NOP53: variants seen among roughly 807,000 people sequenced by gnomAD.
NOP53 encodes ribosome biogenesis protein NOP53.
NOP53 carries 40 observed loss-of-function variants against 61.0 expected under a neutral mutation model. That is an observed-to-expected ratio of 0.66 (90% CI 0.51 to 0.85). The LOEUF (loss-of-function observed/expected upper bound fraction) is 0.85, where lower values mean the gene tolerates loss of function less well. NOP53 is among the 40% of genes least tolerant of loss of function. The probability of loss-of-function intolerance (pLI) is 0.00; values close to 1 mark genes in which losing one functional copy is unlikely to be tolerated. For synonymous variants in NOP53, 308 were observed against 289.5 expected (o/e 1.06, Z -0.65); for missense variants, 689 against 652.9 (o/e 1.06, Z -0.60).
At chr19:47,752,321 G>C (rs375886807) in intron 5 of NOP53, among the ~76,000 whole-genome samples, 191 bp from the exon 6 acceptor site, 1 of 152,076 alleles carries the variant, frequency 6.6e-6, no homozygotes, top group Non-Finnish European at 1.5e-5. Context: ...GCTCAGCCTC[G>C]TGGGTAGCAG....
chr19:47,754,977 G>C lies in NOP53; in HGVS notation c.1053+86G>C, dbSNP rs572032176. The C allele has an allele frequency of 2.8e-5, 36 of 1,283,804 alleles. No individual in the cohort carries two copies. The East Asian group carries it at 7.1e-4, about 25-fold the overall frequency. 79.5% of individuals were successfully genotyped at this position (1,283,804 alleles called of 1,614,324 possible). ...CACCATGGGCTGCCCTGGGTGCTGC[G>C]GGCAGCCTGCACACCCCAAGCCCCG... On this transcript the variant is annotated intron_variant, in intron 8 of 12. Transcript: ENST00000246802. This position sits in a 1 kb window ranked among gnomAD's most constrained non-coding sequence, Gnocchi z 4.2.
At position 47,754,418 on chromosome 19, in the gene NOP53, C is replaced by G; in HGVS notation, c.766-109C>G. ...CGGGGTGTGGGGAGGAAAGCCTGGG[C>G]CGGGGCGGGATCCACGGGCACTGGA... On this transcript the variant is annotated intron_variant, in intron 6 of 12. Transcript: ENST00000246802. This position sits in a 1 kb window ranked among gnomAD's most constrained non-coding sequence, Gnocchi z 4.2. The G allele has an allele frequency of 1.2e-6, 1 of 853,480 alleles. No individual in the cohort carries two copies. The highest frequency in any genetic ancestry group is 2.1e-5 in the Admixed American group (1 of 46,774). The allele number at this position is 853,480 out of a possible 1,614,324, so 52.9% of individuals were successfully genotyped here.
chr19:47,747,102 T>G, intron 2 of NOP53, 71 bp downstream of exon 2: 1 of 1,224,026 alleles, frequency 8.2e-7, no homozygotes, highest in Non-Finnish European at 1.2e-6. Flanking sequence ...GCCTCTGAGA[T>G]CTGTGTTAAT....
At position 47,754,156 on chromosome 19, in the gene NOP53, A is replaced by T. The variant is rs190409460; in HGVS notation, c.766-371A>T. On this transcript the variant is annotated intron_variant, in intron 6 of 12. Transcript: ENST00000246802. The surrounding 1 kb of genome is among the most constrained non-coding windows in gnomAD (Gnocchi z 4.2). Reference sequence around the variant, plus strand: ...GCCGGGTATGGTGGCACATGCCTGTAATAGTAGCTACTCGGGAGGCTGAGG... The same window carrying T: ...GCCGGGTATGGTGGCACATGCCTGTTATAGTAGCTACTCGGGAGGCTGAGG... 1 of 198,760 alleles carries T rather than the reference A, an allele frequency of 5.0e-6. No individual in the cohort carries two copies. The highest frequency in any genetic ancestry group is 2.3e-5 in the African/African-American group (1 of 42,974). 12.3% of individuals were successfully genotyped at this position (198,760 alleles called of 1,614,324 possible).
In NOP53 at chr19:47,755,752, G is replaced by T; in HGVS notation, c.1230-4G>T. On this transcript the variant is annotated splice_polypyrimidine_tract_variant and splice_region_variant and intron_variant, in intron 9 of 12. Coordinates refer to ENST00000246802, the MANE Select transcript of NOP53 (RefSeq NM_015710.5). ...TATTTCTGAACACCCGCCCTGTTCT[G>T]CAGGTACCAGGCACCTGACATCGAC... 6.2e-7 allele frequency: 1 copy of T among 1,608,022 alleles called. No homozygotes were observed. The highest frequency in any genetic ancestry group is 8.5e-7 in the Non-Finnish European group (1 of 1,177,738).
Position 47,752,582 on chromosome 19 carries a change from A to G in NOP53, c.740A>G (p.Tyr247Cys), listed in dbSNP as rs1568599496. 6.2e-7 allele frequency: 1 copy of G among 1,609,840 alleles called. No individual in the cohort carries two copies. Residue 247 changes from tyrosine to cysteine, a missense_variant, in exon 6 of 13, where the codon TAC (tyrosine) becomes TGC (cysteine). Coordinates refer to ENST00000246802, the MANE Select transcript of NOP53 (RefSeq NM_015710.5). Reference sequence around the variant, plus strand: ...GAGGTGGCGCCTGCCGGAGCTTCCTACAATCCATCCTTTGAAGACCACCAG... The same window carrying G: ...GAGGTGGCGCCTGCCGGAGCTTCCTGCAATCCATCCTTTGAAGACCACCAG... ...AVEVAPAGAS[Y>C]NPSFEDHQTL...
At chr19:47,750,120 G>A (rs1355936508) in intron 2 of NOP53, 58 bp from the exon 3 acceptor site, 8 of 1,058,408 alleles carry the variant, frequency 7.6e-6, no homozygotes, top group Non-Finnish European at 1.2e-5. Context: ...AATAGGGTGG[G>A]TGGTCTTTGG....
At chr19:47,753,699 G>A (rs1967151724) in intron 6 of NOP53, 1 of 152,186 alleles carries the variant, frequency 6.6e-6, no homozygotes, top group South Asian at 2.1e-4. Flanking sequence ...ACCAGATGTG[G>A]GAGGGGGCGT....
chr19:47,753,673 T>G (rs1383668330), intron 6 of NOP53: 3 of 152,202 alleles, frequency 2.0e-5, no homozygotes, highest in African/African-American at 7.2e-5. Flanking sequence ...TGCCGCTCAC[T>G]GCCATCTGTT....
rs1359377453 is a variant in NOP53, at chr19:47,754,653, T to TCCCTC, written c.870+31_870+35dup. 1.4e-5 allele frequency: 21 copies of TCCCTC among 1,542,332 alleles called. No homozygotes were observed. The East Asian group carries it at 4.2e-4, about 31-fold the overall frequency. ...CCAGGTGAGCCCCGCACCTGCCCAC[T>TCCCTC]CCCTCCCCTCCCCGGGCCTCCTACC... is the stretch of plus-strand genomic sequence containing the variant. On this transcript the variant is annotated intron_variant, in intron 7 of 12. Coordinates refer to ENST00000246802, the MANE Select transcript of NOP53 (RefSeq NM_015710.5). This position sits in a 1 kb window ranked among gnomAD's most constrained non-coding sequence, Gnocchi z 4.2.
At chr19:47,748,740 CA>C (rs1317007841) in intron 2 of NOP53, among the ~76,000 whole-genome samples, 4 of 152,064 alleles carry the variant, frequency 2.6e-5, no homozygotes, top group Admixed American at 6.6e-5. Context: ...ACTAAAAATA[CA>C]AAAACTAGCC....
chr19:47,745,995 A>T, intron 1 of NOP53: 1 of 513,530 alleles, frequency 1.9e-6, no homozygotes, highest in Non-Finnish European at 3.4e-6. Flanking sequence ...TTAGCAGATA[A>T]ATATACAGGA....
intron 1 of NOP53, chr19:47,746,142 A>G (rs1205860397): frequency 4.4e-6 from 1 of 228,372 alleles, no homozygotes; most frequent in Non-Finnish European, 8.7e-6. Context: ...ATATATGTGT[A>G]TATGTGTGTA....
rs1287505373 is a variant in NOP53, at chr19:47,755,500, G to A, written c.1206G>A (p.Lys402=). 18 of 1,476,996 alleles carry A rather than the reference G, an allele frequency of 1.2e-5. No homozygotes were observed. The highest frequency in any genetic ancestry group is 2.9e-5 in the African/African-American group (2 of 69,182). The allele number at this position is 1,476,996 out of a possible 1,614,324, so 91.5% of individuals were successfully genotyped here. ...RQARREAEAD[K]PRRLGRLKYQ... is the part of the protein sequence containing the mutation. ...CGCGGCGGGAGGCTGAGGCTGACAA[G>A]CCCCGAAGGCTGGGGCGGCTCAAGT... is the stretch of plus-strand genomic sequence containing the variant. Residue 402 remains lysine (K), a synonymous_variant, in exon 9 of 13, where the codon AAG becomes AAA. Coordinates refer to ENST00000246802, the MANE Select transcript of NOP53 (RefSeq NM_015710.5).
Position 47,754,678 on chromosome 19 carries a change from C to T in NOP53, c.871-31C>T, listed in dbSNP as rs978298473. ...TCCCTCCCCTCCCCGGGCCTCCTAC[C>T]CACCCCTGACACTGCACCCCGCCTC... On this transcript the variant is annotated intron_variant, in intron 7 of 12. Transcript: ENST00000246802. The surrounding 1 kb of genome is among the most constrained non-coding windows in gnomAD (Gnocchi z 4.2). 2 of 1,540,852 alleles carry T rather than the reference C, an allele frequency of 1.3e-6. No homozygotes were observed. The highest frequency in any genetic ancestry group is 1.4e-5 in the African/African-American group (1 of 72,954).
In NOP53 at chr19:47,756,696, G is replaced by T. The variant is rs148148148; in HGVS notation, c.1382G>T (p.Arg461Leu). The T allele has an allele frequency of 1.1e-5, 17 of 1,613,750 alleles. No homozygotes were observed. In the African/African-American group the frequency reaches 2.1e-4, roughly 20 times the overall value. The part of the protein sequence containing the change: ...IEPRERAKFK[R>L]KYKVKLVEKR... ...CATTGTCCCTGCTCCAGGTTCAAAC[G>T]CAAGTACAAGGTGAAGCTGGTGGAG... The change falls in exon 12 of 13, where the codon CGC becomes CTC. Residue 461 changes from arginine to leucine, a missense_variant. By Grantham distance (102) the Arg-to-Leu change is moderately radical. Coordinates refer to ENST00000246802, the MANE Select transcript of NOP53 (RefSeq NM_015710.5).
intron 6 of NOP53, chr19:47,753,095 CTG>C (rs1967144739): frequency 6.3e-6 from 1 of 158,654 alleles, no homozygotes; most frequent in Non-Finnish European, 1.4e-5. Context: ...GCTGGAGCCA[CTG>C]TGCATTTAGC....
chr19:47,757,025 A>G lies in NOP53; in HGVS notation c.*20A>G. 1 of 1,612,902 alleles carries G rather than the reference A, an allele frequency of 6.2e-7. No individual in the cohort carries two copies. Among genetic ancestry groups the G allele is most frequent in the South Asian group, 1.1e-5 (1 of 91,026 alleles). ...TTGTAGCTGCCATCAGATGCCGGAGACTCGCCCTTCAATAAAAAATCTCTT... is the reference window on the plus strand; with the variant it reads ...TTGTAGCTGCCATCAGATGCCGGAGGCTCGCCCTTCAATAAAAAATCTCTT... On this transcript the variant is annotated 3_prime_UTR_variant, in exon 13 of 13. Transcript: ENST00000246802.
chr19:47,756,411 C>T, intron 10 of NOP53, 117 bp from the exon 11 acceptor site: 1 of 741,778 alleles, frequency 1.3e-6, no homozygotes. Context: ...CCCTGGTGCC[C>T]ACAGGCTGCC....
Sources: allele counts gnomAD v4.1 joint callset (sites outside exome capture counted in the v4.1 genomes callset), GRCh38; gene constraint gnomAD v4.1.1; non-coding constraint Gnocchi (gnomAD v3.1); transcripts MANE v1.5; gene names NCBI Gene and HGNC (gene_info 2026-07-23, HGNC 2026-07-21).